The following LARGE1 variants were observed in gnomAD, a reference collection of about 807,000 sequenced individuals.
The protein encoded by LARGE1 is xylosyl- and glucuronyltransferase LARGE1.
In LARGE1, 43 loss-of-function variants were observed where a neutral mutation model predicts 87.6. That is an observed-to-expected ratio of 0.49 (90% CI 0.38 to 0.63). LARGE1 has a LOEUF of 0.63. Ranked by LOEUF, LARGE1 falls within the 30% of genes least tolerant of loss-of-function variation. LARGE1 has a pLI of 0.00. For missense variants in LARGE1, 802 were observed against 1,000.2 expected (o/e 0.80, Z 2.67); for synonymous variants, 434 against 394.6 (o/e 1.10, Z -1.18).
Position 33,521,339 on chromosome 22 carries a change from T to C in LARGE1, c.787+43509A>G, listed in dbSNP as rs1383638778. On this transcript the variant is annotated intron_variant, in intron 6 of 14. Transcript: ENST00000397394. ...GCCTCTGCAGCCATAAGTACAGCTG[T>C]TGGATCAGCTGGGCTGGCTACTATA... Among the ~76,000 whole-genome samples the C allele has an allele frequency of 6.6e-5, 10 of 152,314 alleles. 1 individual carries two copies. The South Asian group carries it at 2.1e-3, about 32-fold the overall frequency.
At chr22:33,676,542 CT>C (rs2081584242) in intron 2 of LARGE1, among the ~76,000 whole-genome samples, 1 of 151,102 alleles carries the variant, frequency 6.6e-6, no homozygotes, top group African/African-American at 2.4e-5. Flanking sequence ...AAAGCTAAAT[CT>C]ACAATATCTG....
intron 11 of LARGE1, among the ~76,000 whole-genome samples, chr22:33,239,535 CTTTTTTT>C (rs71187254): frequency 3.1e-5 from 3 of 95,314 alleles, no homozygotes; most frequent in African/African-American, 7.9e-5. Context: ...TTTTTCTTTT[CTTTTTTT>C]TTTTTTTTTT....
exon 12 of LARGE1, chr22:33,163,395 C>T (rs1451448833): frequency 6.6e-6 from 1 of 152,206 alleles, no homozygotes; most frequent in Non-Finnish European, 1.5e-5. Flanking sequence ...CAATGACCAT[C>T]TTTGTGTTTC....
At chr22:33,580,584 T>C (rs1242670033) in intron 5 of LARGE1, among the ~76,000 whole-genome samples, 2 of 152,168 alleles carry the variant, frequency 1.3e-5, no homozygotes, top group Non-Finnish European at 2.9e-5. Flanking sequence ...CTTTACCACA[T>C]GGCATCAGTT....
chr22:33,250,972 C>T (rs1926986437), intron 11 of LARGE1, among the ~76,000 whole-genome samples: 1 of 152,068 alleles, frequency 6.6e-6, no homozygotes, highest in Non-Finnish European at 1.5e-5. Flanking sequence ...CTTGTAATGG[C>T]TTTTTCTGGT....
At chr22:33,548,323 C>T (rs768818258) in intron 6 of LARGE1, among the ~76,000 whole-genome samples, 3 of 152,168 alleles carry the variant, frequency 2.0e-5, no homozygotes, top group Non-Finnish European at 4.4e-5. Flanking sequence ...TGAGGCCTCC[C>T]AAGAAACAGA....
At chr22:33,204,847 T>C (rs896766848) in intron 11 of LARGE1, among the ~76,000 whole-genome samples, 3 of 152,060 alleles carry the variant, frequency 2.0e-5, no homozygotes, top group Non-Finnish European at 4.4e-5. Context: ...AGGGTTCTGT[T>C]GAAAGTATCT....
chr22:33,389,935 C>A (rs556478801), intron 7 of LARGE1, among the ~76,000 whole-genome samples: 1 of 152,112 alleles, frequency 6.6e-6, no homozygotes, highest in South Asian at 2.1e-4. Context: ...ATTTATCCTG[C>A]CATTTCACAA....
chr22:33,278,007 G>A (rs1416007330), intron 13 of LARGE1, among the ~76,000 whole-genome samples: 1 of 152,120 alleles, frequency 6.6e-6, no homozygotes, highest in African/African-American at 2.4e-5. Flanking sequence ...GTATGTATGT[G>A]ATCACTCCTG....
At chr22:33,160,286 G>A (rs1921979295), downstream of LARGE1, among the ~76,000 whole-genome samples, 1 of 152,166 alleles carries the variant, frequency 6.6e-6, no homozygotes, top group African/African-American at 2.4e-5. Context: ...GTATGTTGAG[G>A]ACAGTTGGAA....
chr22:33,616,641 A>C (rs1383782660), intron 4 of LARGE1, among the ~76,000 whole-genome samples: 3 of 152,216 alleles, frequency 2.0e-5, no homozygotes, highest in Non-Finnish European at 2.9e-5. Flanking sequence ...AATTAAAATA[A>C]ATGAAGAACT....
At chr22:33,670,016 A>G (rs576637678) in intron 2 of LARGE1, among the ~76,000 whole-genome samples, 1 of 152,284 alleles carries the variant, frequency 6.6e-6, no homozygotes, top group South Asian at 2.1e-4. Flanking sequence ...TGCAAGAGAC[A>G]CTGCAAGTCC....
chr22:33,071,498 C>T, the LARGE1 span, among the ~76,000 whole-genome samples: 4 of 152,110 alleles, frequency 2.6e-5, no homozygotes, highest in Admixed American at 2.0e-4. Context: ...TCACTGTATC[C>T]CAGTGCCTAG....
chr22:33,782,396 T>C (rs955254703), intron 1 of LARGE1, among the ~76,000 whole-genome samples: 2 of 152,152 alleles, frequency 1.3e-5, no homozygotes, highest in Non-Finnish European at 2.9e-5. Context: ...GAAAATGTTC[T>C]GGAATTCGTT....
chr22:33,783,382 T>C (rs912727367), intron 1 of LARGE1, among the ~76,000 whole-genome samples: 1 of 152,138 alleles, frequency 6.6e-6, no homozygotes, highest in African/African-American at 2.4e-5. Context: ...CTGGCCAACA[T>C]GGCAAAACCC....
rs766442427 is a variant in LARGE1, at chr22:33,304,301, T to C, written c.1658A>G (p.His553Arg). Residue 553 changes from histidine (H) to arginine (R), a missense_variant, in exon 12 of 15, where the codon CAC (histidine) becomes CGC (arginine). Around this residue, in one of 2 missense-constraint regions of LARGE1, gnomAD observed 625 missense variants for 841.9 expected, o/e 0.74. Coordinates refer to ENST00000397394, the MANE Select transcript of LARGE1 (RefSeq NM_133642.5). The stretch of plus-strand genomic sequence containing the variant: ...CAGGAACATGTAGGGAGTGCTGATG[T>C]GCTTCATGGCCACGTTGCGCAGCAG... ...VNLLRNVAMK[H>R]ISTPYMFLSD... 3 of 1,614,150 alleles carry C rather than the reference T, an allele frequency of 1.9e-6. No individual in the cohort carries two copies. Among genetic ancestry groups the C allele is most frequent in the Non-Finnish European group, 2.5e-6 (3 of 1,180,056 alleles).
intron 11 of LARGE1, among the ~76,000 whole-genome samples, chr22:33,244,359 C>T (rs1011203556): frequency 6.6e-6 from 1 of 152,126 alleles, no homozygotes; most frequent in South Asian, 2.1e-4. Context: ...TTCTAATAAG[C>T]TAAGCAAAGA....
intron 1 of LARGE1, among the ~76,000 whole-genome samples, chr22:33,850,904 C>A (rs2063565369): frequency 6.6e-6 from 1 of 151,822 alleles, no homozygotes; most frequent in South Asian, 2.1e-4. Flanking sequence ...CCTAACCGGT[C>A]TTAAAAAAAA....
At chr22:33,128,447 G>T in the LARGE1 span, among the ~76,000 whole-genome samples, 1 of 152,180 alleles carries the variant, frequency 6.6e-6, no homozygotes, top group African/African-American at 2.4e-5. Flanking sequence ...GGCCGAGGCA[G>T]GCGGATCACC....
Sources: gnomAD v4.1 joint callset for allele counts (sites outside exome capture counted in the v4.1 genomes callset) on GRCh38, gnomAD v4.1.1 for gene constraint, gnomAD v4.1.1 regional missense constraint, MANE v1.5 for transcripts, NCBI Gene and HGNC (gene_info 2026-07-23, HGNC 2026-07-21) for gene names.